C5orf15: variants seen among roughly 807,000 people sequenced by gnomAD.
C5orf15 encodes the protein keratinocyte-associated transmembrane protein 2.
Under a neutral mutation model 17.8 loss-of-function variants are expected in C5orf15, and 10 were observed. The observed-to-expected ratio is 0.56, with a 90% CI of 0.35 to 0.95. C5orf15 has a LOEUF of 0.95. C5orf15 is among the 40% of genes least tolerant of loss of function. The pLI, the probability that C5orf15 is intolerant of heterozygous loss-of-function variation, is 0.02. For missense variants in C5orf15, 319 were observed against 331.7 expected (o/e 0.96, Z 0.30); for synonymous variants, 124 against 131.0 (o/e 0.95, Z 0.36).
intron 2 of C5orf15, among the ~76,000 whole-genome samples, chr5:133,958,301 G>C (rs1230067486): frequency 6.6e-6 from 1 of 152,130 alleles, no homozygotes; most frequent in Non-Finnish European, 1.5e-5. Context: ...AGATAGCTGG[G>C]TGCAGTGGCT....
chr5:133,962,060 A>T (rs1752132623), intron 1 of C5orf15, among the ~76,000 whole-genome samples: 1 of 152,190 alleles, frequency 6.6e-6, no homozygotes, highest in Non-Finnish European at 1.5e-5. Flanking sequence ...TTTAAAAATT[A>T]TTATTTTCTG....
Position 133,956,099 on chromosome 5 carries a change from T to C in C5orf15, c.*760A>G, listed in dbSNP as rs182902801. 6 of 152,768 alleles carry C rather than the reference T, an allele frequency of 3.9e-5. No individual in the cohort carries two copies. In the East Asian group the frequency reaches 5.8e-4, roughly 15 times the overall value. 9.5% of individuals were successfully genotyped at this position (152,768 alleles called of 1,614,324 possible). On this transcript the variant is annotated 3_prime_UTR_variant, in exon 3 of 3. Coordinates refer to ENST00000231512, the MANE Select transcript of C5orf15 (RefSeq NM_020199.3). ...CTGATATAATTTTAAACTCTGCCCA[T>C]TGCTTGAAACCTTGGAGGAACCCAT...
At position 133,968,311 on chromosome 5, in the gene C5orf15, G is replaced by A. The variant is rs1042034683; in HGVS notation, c.139+135C>T. Reference sequence around the variant, plus strand: ...CCATACCCTCCGTCCTCAGGCCCGCGGAGACCCTGACCCAACCAGACACCG... The same window carrying A: ...CCATACCCTCCGTCCTCAGGCCCGCAGAGACCCTGACCCAACCAGACACCG... On this transcript the variant is annotated intron_variant, in intron 1 of 2. Transcript: ENST00000231512. The A allele has an allele frequency of 4.1e-6, 5 of 1,205,282 alleles. No individual in the cohort carries two copies. In the African/African-American group the frequency reaches 7.6e-5, roughly 18 times the overall value. The allele number at this position is 1,205,282 out of a possible 1,614,324, so 74.7% of individuals were successfully genotyped here.
At chr5:133,965,800 C>T (rs1752182761) in intron 1 of C5orf15, among the ~76,000 whole-genome samples, 1 of 152,326 alleles carries the variant, frequency 6.6e-6, no homozygotes, top group Middle Eastern at 3.4e-3. Context: ...TGGCAGGCAC[C>T]TGTGGTCCCA....
intron 1 of C5orf15, among the ~76,000 whole-genome samples, chr5:133,963,485 T>C (rs924771188): frequency 6.6e-6 from 1 of 152,214 alleles, no homozygotes; most frequent in Non-Finnish European, 1.5e-5. Context: ...CTGAACATTA[T>C]GTATAAAATA....
At chr5:133,958,604 A>AAAAAAAAAAAT (rs1752072240) in intron 2 of C5orf15, among the ~76,000 whole-genome samples, 1 of 149,274 alleles carries the variant, frequency 6.7e-6, no homozygotes, top group African/African-American at 2.5e-5. Flanking sequence ...AAAAAAAAAA[A>AAAAAAAAAAAT]CTCTGTGAGA....
intron 1 of C5orf15, among the ~76,000 whole-genome samples, chr5:133,964,397 G>A (rs959322237): frequency 1.3e-5 from 2 of 152,152 alleles, no homozygotes; most frequent in African/African-American, 4.8e-5. Flanking sequence ...GTGGTTACCA[G>A]GAGTTCAGGA....
intron 1 of C5orf15, among the ~76,000 whole-genome samples, chr5:133,962,632 C>T (rs1206836818): frequency 6.6e-6 from 1 of 152,132 alleles, no homozygotes; most frequent in African/African-American, 2.4e-5. Flanking sequence ...AATCTTTGAC[C>T]TCCTCTCTTC....
chr5:133,968,524 A>G lies in C5orf15; in HGVS notation c.61T>C (p.Ser21Pro), dbSNP rs1218305250. 3 of 1,607,962 alleles carry G rather than the reference A, an allele frequency of 1.9e-6. No homozygotes were observed. The African/African-American group carries it at 4.0e-5, about 21-fold the overall frequency. The change falls in exon 1 of 3, where the codon TCG becomes CCG. Residue 21 changes from serine to proline, a missense_variant. By Grantham distance (74) the Ser-to-Pro change is moderately conservative (BLOSUM62 -1). Around this residue, in one of 3 missense-constraint regions of C5orf15, gnomAD observed 127 missense variants for 95.6 expected, o/e 1.33. Transcript: ENST00000231512. ...AACCCCACAAGGGCTTGGATGGCCG[A>G]CCCGGGCAGCAGTTTCGCTTGTGCT... is the stretch of plus-strand genomic sequence containing the variant. ...GPAQAKLLPG[S>P]AIQALVGLAR...
chr5:133,959,404 CAAAAAA>C (rs397999300), intron 2 of C5orf15, 84 bp downstream of exon 2: 97 of 124,498 alleles, frequency 7.8e-4, no homozygotes, highest in South Asian at 1.6e-3. Context: ...CTTTTTTTTG[CAAAAAA>C]AAAAAAAAAA....
rs200574256 is a variant in C5orf15 at position 133,959,826 on chromosome 5, A to G, written c.334T>C (p.Ser112Pro). 1.2e-6 allele frequency: 2 copies of G among 1,613,840 alleles called. No individual in the cohort carries two copies. Among genetic ancestry groups the G allele is most frequent in the Non-Finnish European group, 1.7e-6 (2 of 1,179,778 alleles). ...TCATTGTTATCAGCTTCCTCTTGAG[A>G]CAGAGGAGTAGGCGAGGGATGAGGG... The part of the protein sequence containing the change: ...VVPHPSPTPL[S>P]QEEADNNEDP... The change falls in exon 2 of 3, where the codon TCT (serine) becomes CCT (proline). Residue 112 changes from serine (S) to proline (P), a missense_variant. By Grantham distance (74) the Ser-to-Pro change is moderately conservative. This residue lies in a region of C5orf15 where 175 missense variants were observed against 192.4 expected (regional missense o/e 0.91). Transcript: ENST00000231512.
Position 133,959,834 on chromosome 5 carries a change from G to C in C5orf15, c.326C>G (p.Thr109Ser). 1 of 1,614,080 alleles carries C rather than the reference G, an allele frequency of 6.2e-7. No individual in the cohort carries two copies. The highest frequency in any genetic ancestry group is 8.5e-7 in the Non-Finnish European group (1 of 1,179,956). Residue 109 changes from threonine to serine, a missense_variant, in exon 2 of 3, where the codon ACT becomes AGT. Thr to Ser is a moderately conservative substitution (Grantham distance 58). Around this residue, in one of 3 missense-constraint regions of C5orf15, gnomAD observed 175 missense variants for 192.4 expected, o/e 0.91. Coordinates refer to ENST00000231512, the MANE Select transcript of C5orf15 (RefSeq NM_020199.3). ...ATCAGCTTCCTCTTGAGACAGAGGAGTAGGCGAGGGATGAGGGACCACAGA... is the reference window on the plus strand; with the variant it reads ...ATCAGCTTCCTCTTGAGACAGAGGACTAGGCGAGGGATGAGGGACCACAGA... ...GASVVPHPSP[T>S]PLSQEEADNN...
intron 2 of C5orf15, among the ~76,000 whole-genome samples, chr5:133,958,074 T>C (rs1287446065): frequency 6.6e-6 from 1 of 151,840 alleles, no homozygotes; most frequent in Non-Finnish European, 1.5e-5. Flanking sequence ...GAACCAAAAA[T>C]TGTAAACCAT....
chr5:133,968,603 C>A lies in C5orf15; in HGVS notation c.-19G>T, dbSNP rs1317613938. On this transcript the variant is annotated 5_prime_UTR_variant, in exon 1 of 3. Transcript: ENST00000231512. ...CGGCCATAACGGACTCGGCTGGGAG[C>A]CTGCGCTGTTGCTAGGCTCTACGCC... 2 of 1,595,056 alleles carry A rather than the reference C, an allele frequency of 1.3e-6. No individual in the cohort carries two copies. The highest frequency in any genetic ancestry group is 1.7e-6 in the Non-Finnish European group (2 of 1,171,628).
Position 133,968,505 on chromosome 5 carries a change from A to C in C5orf15, c.80T>G (p.Val27Gly), listed in dbSNP as rs745808520. The C allele has an allele frequency of 6.2e-7, 1 of 1,607,174 alleles. No homozygotes were observed. Among genetic ancestry groups the C allele is most frequent in the South Asian group, 1.1e-5 (1 of 89,776 alleles). ...LLPGSAIQAL[V>G]GLARPLVLAL... ...CAAGACCAGCGGCCGCGCCAACCCC[A>C]CAAGGGCTTGGATGGCCGACCCGGG... The change falls in exon 1 of 3, where the codon GTG (valine) becomes GGG (glycine). Residue 27 changes from valine to glycine, a missense_variant. Physicochemically the swap from Val to Gly is moderately radical, Grantham distance 109. Around this residue, in one of 3 missense-constraint regions of C5orf15, gnomAD observed 127 missense variants for 95.6 expected, o/e 1.33. Coordinates refer to ENST00000231512, the MANE Select transcript of C5orf15 (RefSeq NM_020199.3).
chr5:133,962,831 G>A (rs1580699180), intron 1 of C5orf15, among the ~76,000 whole-genome samples: 1 of 151,840 alleles, frequency 6.6e-6, no homozygotes, highest in Admixed American at 6.6e-5. Flanking sequence ...ATTCCCTTAC[G>A]GTCACCATCA....
At chr5:133,958,326 C>T (rs2869179) in intron 2 of C5orf15, among the ~76,000 whole-genome samples, 31,081 of 151,938 alleles carry the variant, frequency 0.2, 3,870 homozygotes, top group East Asian at 0.44. Flanking sequence ...CCTGTAATCC[C>T]AGCGTTTTGG....
At chr5:133,960,878 T>C (rs1354648739) in intron 1 of C5orf15, among the ~76,000 whole-genome samples, 1 of 152,010 alleles carries the variant, frequency 6.6e-6, no homozygotes, top group East Asian at 1.9e-4. Flanking sequence ...CCATCTCTAA[T>C]TTATAATCTA....
chr5:133,965,031 A>G (rs919565692), intron 1 of C5orf15, among the ~76,000 whole-genome samples: 10 of 152,224 alleles, frequency 6.6e-5, no homozygotes, highest in Admixed American at 5.9e-4. Flanking sequence ...GAAAATTTTT[A>G]TAATAGCCTT....
Sources: gnomAD v4.1 joint callset for allele counts (sites outside exome capture counted in the v4.1 genomes callset) on GRCh38, gnomAD v4.1.1 for gene constraint, gnomAD v4.1.1 regional missense constraint, MANE v1.5 for transcripts, NCBI Gene and HGNC (gene_info 2026-07-23, HGNC 2026-07-21) for gene names.